The following ERC2 variants were observed in gnomAD, a reference collection of about 807,000 sequenced individuals.
The protein encoded by ERC2 is ERC protein 2.
A neutral mutation model predicts 114.8 loss-of-function variants in ERC2; 42 were observed. The observed-to-expected ratio is 0.37, with a 90% CI of 0.29 to 0.47. The LOEUF (loss-of-function observed/expected upper bound fraction) is 0.47. ERC2 is among the 20% of genes least tolerant of loss of function. The pLI, the probability that ERC2 is intolerant of heterozygous loss-of-function variation, is 0.99. For missense variants in ERC2, 939 were observed against 1,150.7 expected (o/e 0.82, Z 2.66); for synonymous variants, 454 against 425.5 (o/e 1.07, Z -0.82).
chr3:55,979,945 CTTCT>C (rs1174243764), intron 12 of ERC2, among the ~76,000 whole-genome samples: 2 of 148,592 alleles, frequency 1.3e-5, no homozygotes, highest in African/African-American at 5.0e-5. Flanking sequence ...CCTATCTCTT[CTTCT>C]TTTTTTTTCT....
At chr3:56,111,386 A>C (rs1307395476) in intron 6 of ERC2, among the ~76,000 whole-genome samples, 4 of 143,166 alleles carry the variant, frequency 2.8e-5, no homozygotes, top group East Asian at 2.0e-4. Context: ...TCTCTCCCTC[A>C]ACCTCTCCCT....
At chr3:56,196,493 C>CTT (rs58861980) in intron 3 of ERC2, among the ~76,000 whole-genome samples, 14 of 120,684 alleles carry the variant, frequency 1.2e-4, no homozygotes, top group African/African-American at 3.0e-4. Flanking sequence ...TTCTTGCCTT[C>CTT]TTTTTTTTTT....
intron 17 of ERC2, among the ~76,000 whole-genome samples, chr3:55,523,551 C>T (rs755745908): frequency 2.1e-4 from 32 of 152,162 alleles, no homozygotes; most frequent in South Asian, 4.1e-4. Flanking sequence ...TGCCAAACAC[C>T]GTCTTGACAA....
chr3:55,952,186 C>G (rs370757074), intron 12 of ERC2, among the ~76,000 whole-genome samples: 2 of 96,248 alleles, frequency 2.1e-5, no homozygotes, highest in Non-Finnish European at 4.0e-5. Flanking sequence ...CACACTCTCT[C>G]TCTCTCTCTC....
At chr3:55,708,711 A>G (rs2063609950) in intron 15 of ERC2, among the ~76,000 whole-genome samples, 1 of 152,154 alleles carries the variant, frequency 6.6e-6, no homozygotes, top group African/African-American at 2.4e-5. Context: ...TAAAATCCTA[A>G]TTTTTTAACC....
intron 15 of ERC2, among the ~76,000 whole-genome samples, chr3:55,718,705 AGTT>A (rs1405769992): frequency 6.6e-6 from 1 of 152,156 alleles, no homozygotes; most frequent in Non-Finnish European, 1.5e-5. Context: ...TGCTCAGCGG[AGTT>A]ATTATTAGAC....
At chr3:56,262,330 G>A (rs1486713932) in intron 3 of ERC2, among the ~76,000 whole-genome samples, 5 of 152,222 alleles carry the variant, frequency 3.3e-5, no homozygotes, top group Non-Finnish European at 7.3e-5. Flanking sequence ...TGAAGGTGAA[G>A]TTGTGGGGGA....
chr3:55,990,595 T>C (rs375247522), intron 11 of ERC2, among the ~76,000 whole-genome samples: 1 of 152,148 alleles, frequency 6.6e-6, no homozygotes, highest in South Asian at 2.1e-4. Context: ...CGGCTAATTA[T>C]TGTAGATACA....
intron 6 of ERC2, among the ~76,000 whole-genome samples, chr3:56,102,080 C>T (rs376613627): frequency 6.6e-5 from 10 of 152,340 alleles, no homozygotes; most frequent in African/African-American, 2.4e-4. Flanking sequence ...ATATTTTATT[C>T]ATACGTTCAC....
At chr3:56,247,274 TA>T (rs1173311698) in intron 3 of ERC2, among the ~76,000 whole-genome samples, 29 of 152,190 alleles carry the variant, frequency 1.9e-4, no homozygotes, top group African/African-American at 6.8e-4. Context: ...AATTATAGAA[TA>T]TTTTTCTTAG....
chr3:55,887,302 T>G (rs1417580696), intron 14 of ERC2, among the ~76,000 whole-genome samples: 1 of 152,186 alleles, frequency 6.6e-6, no homozygotes, highest in African/African-American at 2.4e-5. Flanking sequence ...ACTGAGGTAG[T>G]TGATGAGGAA....
At chr3:55,593,468 C>T (rs892299161) in intron 17 of ERC2, among the ~76,000 whole-genome samples, 1 of 152,182 alleles carries the variant, frequency 6.6e-6, no homozygotes, top group African/African-American at 2.4e-5. Flanking sequence ...TCATCTCTGG[C>T]TGACTTCCTC....
chr3:55,865,931 C>G (rs1374768387), intron 14 of ERC2, among the ~76,000 whole-genome samples: 1 of 152,138 alleles, frequency 6.6e-6, no homozygotes. Context: ...GTACAAGTTT[C>G]TGTGTGACAA....
intron 6 of ERC2, among the ~76,000 whole-genome samples, chr3:56,081,203 AT>A (rs907291587): frequency 6.6e-5 from 10 of 151,800 alleles, no homozygotes; most frequent in Non-Finnish European, 1.5e-4. Context: ...TAAAAAAAAA[AT>A]AAGACTTCTT....
intron 14 of ERC2, among the ~76,000 whole-genome samples, chr3:55,839,927 T>C (rs2061058777): frequency 6.6e-6 from 1 of 152,010 alleles, no homozygotes; most frequent in Admixed American, 6.6e-5. Context: ...GACTCAAATA[T>C]ATGCAGTCTA....
chr3:55,568,867 G>A (rs956382625), intron 17 of ERC2, among the ~76,000 whole-genome samples: 6 of 152,056 alleles, frequency 3.9e-5, no homozygotes, highest in African/African-American at 7.2e-5. Flanking sequence ...CCTCTGACAC[G>A]TCCCTGACTG....
chr3:55,844,360 A>C (rs2061264369), intron 14 of ERC2, among the ~76,000 whole-genome samples: 1 of 152,256 alleles, frequency 6.6e-6, no homozygotes, highest in Admixed American at 6.5e-5. Context: ...ATGGAATACA[A>C]CAATGAGAAT....
intron 17 of ERC2, among the ~76,000 whole-genome samples, chr3:55,566,967 T>C (rs2056416306): frequency 6.6e-6 from 1 of 152,116 alleles, no homozygotes; most frequent in Admixed American, 6.5e-5. Context: ...TCCCAAAGTG[T>C]TGGGATTACA....
intron 14 of ERC2, among the ~76,000 whole-genome samples, chr3:55,881,588 T>C (rs1193515445): frequency 2.0e-5 from 3 of 152,188 alleles, no homozygotes; most frequent in Non-Finnish European, 2.9e-5. Flanking sequence ...ACTATAGTAG[T>C]TTAAATCGTC....
Sources: gnomAD v4.1 joint callset for allele counts (sites outside exome capture counted in the v4.1 genomes callset) on GRCh38, gnomAD v4.1.1 for gene constraint, MANE v1.5 for transcripts, NCBI Gene and HGNC (gene_info 2026-07-23, HGNC 2026-07-21) for gene names.